Variants in ZC3HC1 observed in about 807,000 individuals in gnomAD.
The protein encoded by ZC3HC1 is zinc finger C3HC-type containing 1, also known as zinc finger C3HC-type protein 1.
ZC3HC1 carries 38 observed loss-of-function variants against 61.9 expected under a neutral mutation model. The observed-to-expected ratio is 0.61, with a 90% CI of 0.47 to 0.81. ZC3HC1 has a LOEUF of 0.81. Ranked by LOEUF, ZC3HC1 falls within the 30% of genes least tolerant of loss-of-function variation. The pLI is 0.00. For missense variants in ZC3HC1, 554 were observed against 622.7 expected, an observed-to-expected ratio of 0.89 and a Z score of 1.17; for synonymous variants, 213 against 229.9, an observed-to-expected ratio of 0.93 and a Z score of 0.67.
At position 130,022,508 on chromosome 7, in the gene ZC3HC1, G is replaced by C. The variant is rs562119592; in HGVS notation, c.1251C>G (p.Ser417Arg). The C allele has an allele frequency of 6.2e-7, 1 of 1,613,904 alleles. No homozygotes were observed. Among genetic ancestry groups the C allele is most frequent in the African/African-American group, 1.3e-5 (1 of 74,932 alleles). Residue 417 changes from serine (S) to arginine (R), a missense_variant, in exon 9 of 10, where the codon AGC becomes AGG. Transcript: ENST00000358303. ...SSSSSDTSSR[S>R]FFDPTSQHRD... ...TATGCTGAGAGGTGGGATCAAAGAA[G>C]CTTCGGGAAGATGTGTCCTGAGGAA...
At chr7:130,047,164 T>C (rs6967328) in intron 2 of ZC3HC1, among the ~76,000 whole-genome samples, 3,543 of 152,262 alleles carry the variant, frequency 0.023, 121 homozygotes, top group African/African-American at 0.08. Context: ...GGTTTCACCA[T>C]GTTGGCCAGG....
intron 4 of ZC3HC1, among the ~76,000 whole-genome samples, chr7:130,035,890 C>T (rs992945728): frequency 6.6e-6 from 1 of 152,192 alleles, no homozygotes; most frequent in African/African-American, 2.4e-5. Flanking sequence ...ACAGGCTACA[C>T]TTGAAGGTCT....
In ZC3HC1 at chr7:130,022,329, G is replaced by A. The variant is rs150122551; in HGVS notation, c.1430C>T (p.Thr477Met). 1.8e-4 allele frequency: 293 copies of A among 1,614,050 alleles called. No individual in the cohort carries two copies. The highest frequency in any genetic ancestry group is 2.4e-4 in the Non-Finnish European group (278 of 1,180,046). Residue 477 changes from threonine to methionine, a missense_variant, in exon 9 of 10, where the codon ACG (threonine) becomes ATG (methionine). Physicochemically the swap from Thr to Met is moderately conservative, Grantham distance 81 (BLOSUM62 -1). Transcript: ENST00000358303. ...AHKQSSQPAE[T>M]DSMSLSEKSR... is the part of the protein sequence containing the mutation. ...AGTGGCGTATCTCACCATGGAGTCC[G>A]TTTCAGCTGGCTGGCTAGACTGTTT...
At chr7:130,050,434 T>G in intron 1 of ZC3HC1, 1 of 1,532,542 alleles carries the variant, frequency 6.5e-7, no homozygotes, top group Non-Finnish European at 8.7e-7. Context: ...TCAAAAGAAA[T>G]AAACTTACTC....
chr7:130,039,181 C>T, intron 4 of ZC3HC1: 1 of 356,862 alleles, frequency 2.8e-6, no homozygotes, highest in Non-Finnish European at 5.1e-6. Flanking sequence ...CCCATCTCTA[C>T]TAAAAATACA....
intron 7 of ZC3HC1, 132 bp downstream of exon 7, chr7:130,024,131 A>C (rs1430237461): frequency 3.1e-6 from 4 of 1,298,916 alleles, no homozygotes; most frequent in African/African-American, 1.5e-5. Context: ...GAACAGAAAC[A>C]CTATGTGGTA....
intron 2 of ZC3HC1, 177 bp downstream of exon 2, chr7:130,048,856 T>C (rs1794965540): frequency 4.7e-6 from 2 of 424,086 alleles, no homozygotes; most frequent in Non-Finnish European, 8.1e-6. Flanking sequence ...AAAGAAAAGG[T>C]TAGATAACCT....
chr7:130,024,220 G>A (rs981676962), intron 7 of ZC3HC1, 43 bp downstream of exon 7: 1 of 1,544,228 alleles, frequency 6.5e-7, no homozygotes, highest in African/African-American at 1.4e-5. Context: ...CTTTTGCCAA[G>A]AATGTTGTTT....
intron 9 of ZC3HC1, among the ~76,000 whole-genome samples, chr7:130,019,972 A>G (rs1357157514): frequency 6.6e-6 from 1 of 151,590 alleles, no homozygotes; most frequent in Non-Finnish European, 1.5e-5. Flanking sequence ...ATATGCCACC[A>G]CGCCCAGCTA....
At chr7:130,036,794 A>T (rs370043488) in intron 4 of ZC3HC1, 2 of 152,182 alleles carry the variant, frequency 1.3e-5, no homozygotes, top group African/African-American at 4.8e-5. Context: ...AGATCCATGT[A>T]GGAGGTAGAA....
intron 4 of ZC3HC1, among the ~76,000 whole-genome samples, chr7:130,039,008 T>C (rs1794538825): frequency 6.6e-6 from 1 of 150,956 alleles, no homozygotes; most frequent in Admixed American, 6.6e-5. Context: ...ATAACACAAG[T>C]GAATATAAGT....
chr7:130,023,648 G>A lies in ZC3HC1; in HGVS notation c.1096C>T (p.Pro366Ser), dbSNP rs1005014946. 5.0e-6 allele frequency: 8 copies of A among 1,614,088 alleles called. No individual in the cohort carries two copies. The Admixed American group carries it at 5.0e-5, about 10-fold the overall frequency. The change falls in exon 8 of 10, where the codon CCA becomes TCA. Residue 366 changes from proline to serine, a missense_variant. Physicochemically the swap from Pro to Ser is moderately conservative, Grantham distance 74. Transcript: ENST00000358303. The surrounding 1 kb of genome is among the most constrained non-coding windows in gnomAD (Gnocchi z 4.2). The part of the protein sequence containing the change: ...DSSSPVDRPE[P>S]EAASPTTRTR... ...CTGGTGGTGGGGCTAGCAGCCTCTG[G>A]CTCAGGACGGTCAACAGGACTGGAA...
intron 2 of ZC3HC1, among the ~76,000 whole-genome samples, chr7:130,047,332 G>T (rs1794904443): frequency 6.6e-6 from 1 of 152,098 alleles, no homozygotes; most frequent in Non-Finnish European, 1.5e-5. Flanking sequence ...CTGACCTCAG[G>T]TGATCCGCCC....
rs756979109 is a variant in ZC3HC1, at chr7:130,051,264, G to C, written c.103C>G (p.Leu35Val). ...PEGTPQKIRQ[L>V]IDEGIAPEEG... Reference sequence around the variant, plus strand: ...TCCGGGGCAATCCCCTCATCTATCAGCTGCCGGATTTTCTGGGGGGTCCCT... The same window carrying C: ...TCCGGGGCAATCCCCTCATCTATCACCTGCCGGATTTTCTGGGGGGTCCCT... The change falls in exon 1 of 10, where the codon CTG becomes GTG. Residue 35 changes from leucine (L) to valine (V), a missense_variant. Transcript: ENST00000358303. 5 of 1,611,962 alleles carry C rather than the reference G, an allele frequency of 3.1e-6. No individual in the cohort carries two copies. Among genetic ancestry groups the C allele is most frequent in the Non-Finnish European group, 4.2e-6 (5 of 1,179,028 alleles).
intron 4 of ZC3HC1, chr7:130,037,105 G>C (rs1794459043): frequency 6.6e-6 from 1 of 152,198 alleles, no homozygotes; most frequent in South Asian, 2.1e-4. Flanking sequence ...AATGTACGGT[G>C]ACAAGAGTTG....
At chr7:130,034,556 A>G (rs1178626730) in intron 4 of ZC3HC1, among the ~76,000 whole-genome samples, 1 of 151,444 alleles carries the variant, frequency 6.6e-6, no homozygotes, top group East Asian at 1.9e-4. Context: ...AGGCAGTGAC[A>G]TGATTATAGC....
intron 9 of ZC3HC1, among the ~76,000 whole-genome samples, chr7:130,019,155 G>A (rs1040783675): frequency 6.7e-6 from 1 of 150,214 alleles, no homozygotes; most frequent in Non-Finnish European, 1.5e-5. Context: ...CCGGGTTCAC[G>A]CCATTCTCCT....
chr7:130,028,828 A>T, intron 5 of ZC3HC1, 74 bp downstream of exon 5: 1 of 1,553,982 alleles, frequency 6.4e-7, no homozygotes, highest in Non-Finnish European at 8.7e-7. Flanking sequence ...TCTTCTTGTC[A>T]TTAAAAGAAA....
At chr7:130,032,721 AGGAGGGAG>A (rs1247480682) in intron 4 of ZC3HC1, among the ~76,000 whole-genome samples, 1 of 55,972 alleles carries the variant, frequency 1.8e-5, no homozygotes, top group Non-Finnish European at 3.5e-5. Flanking sequence ...AAGGAAGGGA[AGGAGGGAG>A]GGAGGGAGGG....
Sources: gnomAD v4.1 joint callset for allele counts (sites outside exome capture counted in the v4.1 genomes callset) on GRCh38, gnomAD v4.1.1 for gene constraint, Gnocchi (gnomAD v3.1) non-coding constraint, MANE v1.5 for transcripts, NCBI Gene and HGNC (gene_info 2026-07-23, HGNC 2026-07-21) for gene names.